Variants in FAM135B observed in about 807,000 individuals in gnomAD.
FAM135B encodes family with sequence similarity 135 member B.
In FAM135B, 43 loss-of-function variants were observed where a neutral mutation model predicts 127.7. The observed-to-expected ratio is 0.34, with a 90% confidence interval of 0.26 to 0.43. The LOEUF (loss-of-function observed/expected upper bound fraction) is 0.43, where lower values mean the gene tolerates loss of function less well. FAM135B is among the 20% of genes least tolerant of loss of function. The pLI is 1.00. For missense variants in FAM135B, 1,558 were observed against 1,725.6 expected (o/e 0.90, Z 1.72); for synonymous variants, 670 against 665.1 (o/e 1.01, Z -0.11).
At chr8:138,205,978 C>T (rs867819832) in intron 7 of FAM135B, among the ~76,000 whole-genome samples, 2 of 151,990 alleles carry the variant, frequency 1.3e-5, no homozygotes, top group African/African-American at 2.4e-5. Context: ...GCACCTCCAC[C>T]TACACACAGC....
At chr8:138,140,409 A>C (rs1054196813) in intron 17 of FAM135B, among the ~76,000 whole-genome samples, 2 of 152,218 alleles carry the variant, frequency 1.3e-5, no homozygotes, top group African/African-American at 4.8e-5. Context: ...ATGATTTAAT[A>C]AACGATTTGT....
Position 138,243,167 on chromosome 8 carries a change from G to A in FAM135B, c.543-99C>T, listed in dbSNP as rs1433995144. On this transcript the variant is annotated intron_variant, in intron 6 of 19. Coordinates refer to ENST00000395297, the MANE Select transcript of FAM135B (RefSeq NM_015912.4). The surrounding 1 kb of genome is among the most constrained non-coding windows in gnomAD (Gnocchi z 7.5). ...AGGAGTGTTCCTGTGAAGCATTTGG[G>A]ATAAGTCATTTAGGAGTAGTTCACC... 1.4e-6 allele frequency: 2 copies of A among 1,415,124 alleles called. No homozygotes were observed. The highest frequency in any genetic ancestry group is 1.9e-6 in the Non-Finnish European group (2 of 1,062,726). 87.7% of individuals were successfully genotyped at this position (1,415,124 alleles called of 1,614,324 possible).
chr8:138,310,204 A>G (rs1245297649), intron 3 of FAM135B, among the ~76,000 whole-genome samples: 1 of 152,140 alleles, frequency 6.6e-6, no homozygotes, highest in Non-Finnish European at 1.5e-5. Context: ...TAGTCTACAC[A>G]GTCCTCCCAA....
At chr8:138,133,595 G>T (rs1816379228) in intron 19 of FAM135B, among the ~76,000 whole-genome samples, 1 of 151,974 alleles carries the variant, frequency 6.6e-6, no homozygotes, top group African/African-American at 2.4e-5. Flanking sequence ...ATTGGAAGTT[G>T]TAAGTCAGGT....
intron 4 of FAM135B, among the ~76,000 whole-genome samples, chr8:138,262,231 AC>A (rs370346705): frequency 2.3e-4 from 35 of 152,204 alleles, no homozygotes; most frequent in African/African-American, 7.7e-4. Context: ...ATTGTCAGGG[AC>A]AAGAACAATT....
Position 138,132,283 on chromosome 8 carries a change from G to A in FAM135B, c.*310C>T. The A allele has an allele frequency of 3.2e-6, 1 of 317,404 alleles. No homozygotes were observed. Among genetic ancestry groups the A allele is most frequent in the Non-Finnish European group, 6.0e-6 (1 of 167,900 alleles). The allele number at this position is 317,404 out of a possible 1,614,324, so 19.7% of individuals were successfully genotyped here. On this transcript the variant is annotated 3_prime_UTR_variant, in exon 20 of 20. Coordinates refer to ENST00000395297, the MANE Select transcript of FAM135B (RefSeq NM_015912.4). This position sits in a 1 kb window ranked among gnomAD's most constrained non-coding sequence, Gnocchi z 4.5. Reference sequence around the variant, plus strand: ...AGTAATCTCTCAGTAAGCCAGTAGTGGCTAGCAAGGGGAGCTCACCAACTC... The same window carrying A: ...AGTAATCTCTCAGTAAGCCAGTAGTAGCTAGCAAGGGGAGCTCACCAACTC...
intron 2 of FAM135B, among the ~76,000 whole-genome samples, chr8:138,359,800 G>A (rs886817494): frequency 2.6e-5 from 4 of 152,182 alleles, no homozygotes; most frequent in African/African-American, 9.6e-5. Flanking sequence ...CTGGGCATTA[G>A]GCAGTGATGG....
intron 1 of FAM135B, among the ~76,000 whole-genome samples, chr8:138,422,741 A>G (rs1607554): frequency 0.068 from 10,355 of 152,238 alleles, 781 homozygotes; most frequent in East Asian, 0.26. Flanking sequence ...CTATCATTCA[A>G]CCCAGCAATT....
At chr8:138,483,564 G>A (rs914979294) in intron 1 of FAM135B, among the ~76,000 whole-genome samples, 1 of 152,216 alleles carries the variant, frequency 6.6e-6, no homozygotes, top group Non-Finnish European at 1.5e-5. Flanking sequence ...AGGTGCCTGT[G>A]TAACAGAGAG....
At chr8:138,451,515 G>C (rs866636331) in intron 1 of FAM135B, among the ~76,000 whole-genome samples, 3 of 152,188 alleles carry the variant, frequency 2.0e-5, no homozygotes, top group African/African-American at 7.2e-5. Flanking sequence ...ACCTGGAGAT[G>C]TTTAAAGTAA....
chr8:138,409,401 G>A (rs967727400), intron 1 of FAM135B, among the ~76,000 whole-genome samples: 8 of 152,176 alleles, frequency 5.3e-5, no homozygotes, highest in Middle Eastern at 3.4e-3. Context: ...ATGGATCACC[G>A]CAGCAGACAT....
chr8:138,385,688 T>A (rs892133689), intron 1 of FAM135B, among the ~76,000 whole-genome samples: 2 of 152,022 alleles, frequency 1.3e-5, no homozygotes, highest in African/African-American at 4.8e-5. Flanking sequence ...GGTGGGTGCC[T>A]GTAATCCCAG....
chr8:138,344,732 CA>C (rs1357919861), intron 2 of FAM135B, among the ~76,000 whole-genome samples: 1 of 152,064 alleles, frequency 6.6e-6, no homozygotes, highest in Non-Finnish European at 1.5e-5. Flanking sequence ...CCTGCAACCA[CA>C]CCCAGCTAAT....
At chr8:138,472,731 C>G (rs566553719) in intron 1 of FAM135B, among the ~76,000 whole-genome samples, 144 of 152,294 alleles carry the variant, frequency 9.5e-4, no homozygotes, top group Middle Eastern at 3.4e-3. Context: ...CATTCCACAA[C>G]GTGCATATTG....
intron 7 of FAM135B, among the ~76,000 whole-genome samples, chr8:138,206,352 GCATCCCCTCCACCTACCCACAA>G (rs1817598648): frequency 5.7e-3 from 223 of 39,360 alleles, no homozygotes; most frequent in Non-Finnish European, 7.1e-3. Flanking sequence ...CACAACTCCA[GCATCCCCTCCACCTACCCACAA>G]CTCTATCATC....
intron 3 of FAM135B, among the ~76,000 whole-genome samples, chr8:138,268,925 A>T: frequency 6.6e-6 from 1 of 152,152 alleles, no homozygotes; most frequent in Non-Finnish European, 1.5e-5. Flanking sequence ...GCATAACAAG[A>T]GTTGAAACTT....
chr8:138,269,251 C>G (rs923333599), intron 3 of FAM135B, among the ~76,000 whole-genome samples: 25 of 152,184 alleles, frequency 1.6e-4, no homozygotes, highest in Admixed American at 1.4e-3. Flanking sequence ...CTGGAGTTCC[C>G]AGCAGCCCCA....
At chr8:138,244,451 G>A (rs1231597422) in intron 6 of FAM135B, among the ~76,000 whole-genome samples, 4 of 150,964 alleles carry the variant, frequency 2.6e-5, no homozygotes, top group African/African-American at 9.8e-5. Context: ...CTGTCAGAAG[G>A]TTTGATACCA....
intron 1 of FAM135B, among the ~76,000 whole-genome samples, chr8:138,385,589 T>C (rs918596721): frequency 2.0e-5 from 3 of 151,904 alleles, no homozygotes; most frequent in East Asian, 2.0e-4. Context: ...GACAGGTGGA[T>C]TGCTTGAGGT....
Sources: allele counts gnomAD v4.1 joint callset (sites outside exome capture counted in the v4.1 genomes callset), GRCh38; gene constraint gnomAD v4.1.1; non-coding constraint Gnocchi (gnomAD v3.1); transcripts MANE v1.5; gene names NCBI Gene and HGNC (gene_info 2026-07-23, HGNC 2026-07-21).